Variants in AGFG1 observed in about 807,000 individuals in gnomAD.
AGFG1 encodes the protein ArfGAP with FG repeats 1.
AGFG1 carries 10 observed loss-of-function variants against 60.6 expected under a neutral mutation model. The observed-to-expected ratio is 0.16, with a 90% confidence interval of 0.10 to 0.28. The LOEUF (loss-of-function observed/expected upper bound fraction) is 0.28. Ranked by LOEUF, AGFG1 falls within the 10% of genes least tolerant of loss-of-function variation. The pLI is 1.00. For missense variants in AGFG1, 537 were observed against 676.5 expected, an observed-to-expected ratio of 0.79 and a Z score of 2.29; for synonymous variants, 247 against 242.9, an observed-to-expected ratio of 1.02 and a Z score of -0.16.
chr2:227,529,341 T>TA (rs1396805514), intron 5 of AGFG1, among the ~76,000 whole-genome samples: 1 of 152,068 alleles, frequency 6.6e-6, no homozygotes, highest in Non-Finnish European at 1.5e-5. Flanking sequence ...TTGTTAATTT[T>TA]AAAAAAAATT....
Position 227,526,191 on chromosome 2 carries a change from C to G in AGFG1, c.694+1276C>G, listed in dbSNP as rs550272181. On this transcript the variant is annotated intron_variant, in intron 5 of 12. Coordinates refer to ENST00000310078, the MANE Select transcript of AGFG1 (RefSeq NM_004504.5). ...ATTGTGAGGTTGGTTCCTATAGATA[C>G]AACTCATTCATTCATTCATTTATTT... Among the ~76,000 whole-genome samples, 7 of 152,168 alleles carry G rather than the reference C, an allele frequency of 4.6e-5. No individual in the cohort carries two copies. In the East Asian group the frequency reaches 1.2e-3, roughly 25 times the overall value.
At chr2:227,541,948 C>A (rs1385633745) in intron 10 of AGFG1, among the ~76,000 whole-genome samples, 1 of 152,186 alleles carries the variant, frequency 6.6e-6, no homozygotes, top group African/African-American at 2.4e-5. Context: ...ATTTTATTCT[C>A]TTTGTAGCAA....
At chr2:227,497,723 C>CT (rs1559173418) in intron 2 of AGFG1, among the ~76,000 whole-genome samples, 11 of 80,300 alleles carry the variant, frequency 1.4e-4, no homozygotes. Flanking sequence ...AAATGAGTTT[C>CT]TTTCTTGTTT....
chr2:227,503,289 C>T (rs1009045872), intron 2 of AGFG1, among the ~76,000 whole-genome samples: 14 of 151,540 alleles, frequency 9.2e-5, no homozygotes, highest in African/African-American at 3.4e-4. Flanking sequence ...TATATGCTCT[C>T]TATTATATAG....
intron 2 of AGFG1, among the ~76,000 whole-genome samples, chr2:227,502,086 T>C (rs1691174560): frequency 6.6e-6 from 1 of 152,076 alleles, no homozygotes. Context: ...CTCAAACTCC[T>C]GACTAAAGCG....
At chr2:227,552,961 T>C (rs1038229092) in intron 11 of AGFG1, among the ~76,000 whole-genome samples, 1 of 144,056 alleles carries the variant, frequency 6.9e-6, no homozygotes, top group Non-Finnish European at 1.5e-5. Context: ...GAGATCGCCA[T>C]TGCACTCCAG....
intron 2 of AGFG1, among the ~76,000 whole-genome samples, chr2:227,504,187 A>AG (rs1348940048): frequency 2.5e-3 from 372 of 148,426 alleles, no homozygotes; most frequent in Non-Finnish European, 3.7e-3. Context: ...ACTTGGTGTA[A>AG]ATTTTTTTTT....
intron 1 of AGFG1, among the ~76,000 whole-genome samples, chr2:227,487,506 T>C (rs907533999): frequency 6.6e-6 from 1 of 152,232 alleles, no homozygotes; most frequent in Non-Finnish European, 1.5e-5. Flanking sequence ...GTTATTTGTT[T>C]AACCATTTCC....
intron 10 of AGFG1, among the ~76,000 whole-genome samples, chr2:227,540,409 T>C (rs900851611): frequency 1.2e-4 from 18 of 152,150 alleles, no homozygotes; most frequent in African/African-American, 4.3e-4. Flanking sequence ...AGTGTTCTCA[T>C]TGTTCAGTTC....
At chr2:227,530,250 G>C (rs906460162) in intron 5 of AGFG1, among the ~76,000 whole-genome samples, 7 of 152,176 alleles carry the variant, frequency 4.6e-5, no homozygotes, top group Admixed American at 1.3e-4. Flanking sequence ...GAGATTGCCT[G>C]AGTGTCCAGA....
At chr2:227,531,654 A>G (rs1692164264) in intron 6 of AGFG1, among the ~76,000 whole-genome samples, 1 of 148,834 alleles carries the variant, frequency 6.7e-6, no homozygotes, top group Non-Finnish European at 1.5e-5. Flanking sequence ...GCTGGTCTTG[A>G]ACTCCTGGCC....
chr2:227,543,030 A>G lies in AGFG1; in HGVS notation c.1378+6037A>G, dbSNP rs531557310. Among the ~76,000 whole-genome samples, 3 of 151,894 alleles carry G rather than the reference A, an allele frequency of 2.0e-5. No individual in the cohort carries two copies. The East Asian group carries it at 5.8e-4, about 29-fold the overall frequency. ...CCCTTTATCATTTTTTATTGCATCT[A>G]TTTGATTCTTCTCTCTTTTCTTCTT... On this transcript the variant is annotated intron_variant, in intron 10 of 12. Transcript: ENST00000310078.
chr2:227,521,926 G>C (rs981814575), intron 3 of AGFG1, among the ~76,000 whole-genome samples: 21 of 152,248 alleles, frequency 1.4e-4, no homozygotes, highest in African/African-American at 5.1e-4. Flanking sequence ...TCAAGTGGTG[G>C]GACAGGTGAC....
intron 5 of AGFG1, among the ~76,000 whole-genome samples, chr2:227,525,523 C>G (rs896643369): frequency 1.3e-5 from 2 of 152,166 alleles, no homozygotes; most frequent in Non-Finnish European, 1.5e-5. Flanking sequence ...ATCAGATTTT[C>G]AACAAGGTCC....
intron 1 of AGFG1, among the ~76,000 whole-genome samples, chr2:227,482,967 C>T (rs1690514613): frequency 7.1e-6 from 1 of 141,124 alleles, no homozygotes; most frequent in Non-Finnish European, 1.5e-5. Context: ...ATCAAAACTG[C>T]AGTTATTGAG....
At chr2:227,552,666 T>A (rs369302472) in intron 11 of AGFG1, among the ~76,000 whole-genome samples, 4 of 151,454 alleles carry the variant, frequency 2.6e-5, no homozygotes, top group African/African-American at 9.7e-5. Flanking sequence ...ATGTGGTTTC[T>A]TTTTTCTTTT....
rs1693045472 is a variant in AGFG1 at position 227,558,556 on chromosome 2, G to A, written c.*4061G>A. The A allele has an allele frequency of 6.6e-6, 1 of 151,932 alleles. No individual in the cohort carries two copies. Among genetic ancestry groups the A allele is most frequent in the Admixed American group, 6.6e-5 (1 of 15,264 alleles). The allele number at this position is 151,932 out of a possible 1,614,324, so 9.4% of individuals were successfully genotyped here. ...CACTTTTAAAATTTATTTTTTAAAA[G>A]GTGATATTAAAATTTGTATTTAACC... On this transcript the variant is annotated 3_prime_UTR_variant, in exon 13 of 13. Coordinates refer to ENST00000310078, the MANE Select transcript of AGFG1 (RefSeq NM_004504.5).
chr2:227,549,489 C>A (rs1484013386), intron 10 of AGFG1, among the ~76,000 whole-genome samples: 1 of 152,080 alleles, frequency 6.6e-6, no homozygotes, highest in Admixed American at 6.5e-5. Context: ...TTCTTTTCAG[C>A]CATTGTATTT....
intron 1 of AGFG1, among the ~76,000 whole-genome samples, chr2:227,477,332 G>A (rs534246077): frequency 6.6e-6 from 1 of 152,280 alleles, no homozygotes; most frequent in Admixed American, 6.5e-5. Context: ...AAACTATTGA[G>A]TGCTAGCTGT....
Sources: allele counts gnomAD v4.1 joint callset (sites outside exome capture counted in the v4.1 genomes callset), GRCh38; gene constraint gnomAD v4.1.1; transcripts MANE v1.5; gene names NCBI Gene and HGNC (gene_info 2026-07-23, HGNC 2026-07-21).